SPTLC3: variants seen among roughly 807,000 people sequenced by gnomAD.
The protein encoded by SPTLC3 is serine palmitoyltransferase long chain base subunit 3, also known as serine palmitoyltransferase 3.
SPTLC3 carries 36 observed loss-of-function variants against 59.3 expected under a neutral mutation model. The observed-to-expected ratio is 0.61, with a 90% CI of 0.47 to 0.80. SPTLC3 has a LOEUF of 0.80. Ranked by LOEUF, SPTLC3 falls within the 30% of genes least tolerant of loss-of-function variation. SPTLC3 has a pLI of 0.00. For synonymous variants in SPTLC3, 257 were observed against 240.8 expected (o/e 1.07, Z -0.62); for missense variants, 625 against 685.1 (o/e 0.91, Z 0.98).
chr20:13,128,130 T>G (rs886679850), intron 9 of SPTLC3, among the ~76,000 whole-genome samples: 1 of 152,244 alleles, frequency 6.6e-6, no homozygotes, highest in Non-Finnish European at 1.5e-5. Flanking sequence ...ACAAAATATT[T>G]AACATTGTGT....
At chr20:13,110,024 G>A in intron 6 of SPTLC3, 88 bp from the exon 7 acceptor site, 1 of 1,109,830 alleles carries the variant, frequency 9.0e-7, no homozygotes, top group Non-Finnish European at 1.3e-6. Flanking sequence ...AGGTCTGAGT[G>A]TGAACATAAA....
chr20:13,076,136 C>T (rs1988638148), intron 4 of SPTLC3, among the ~76,000 whole-genome samples: 1 of 152,070 alleles, frequency 6.6e-6, no homozygotes, highest in African/African-American at 2.4e-5. Context: ...TAGTGAAAGA[C>T]TCAAAGAGAA....
intron 2 of SPTLC3, among the ~76,000 whole-genome samples, chr20:13,064,020 CTTTTCT>C (rs904676334): frequency 3.4e-5 from 5 of 149,016 alleles, no homozygotes; most frequent in Non-Finnish European, 6.0e-5. Context: ...CTTTTCTTTT[CTTTTCT>C]TTTTCTTTTT....
chr20:13,126,561 T>C (rs372114246), intron 8 of SPTLC3, 30 bp from the exon 9 acceptor site: 6 of 1,611,778 alleles, frequency 3.7e-6, no homozygotes, highest in Non-Finnish European at 5.1e-6. Context: ...TTTATTTGCC[T>C]TCTTTTTGGG....
At chr20:13,016,438 A>G (rs1343950124) in intron 1 of SPTLC3, among the ~76,000 whole-genome samples, 2 of 152,194 alleles carry the variant, frequency 1.3e-5, no homozygotes, top group Non-Finnish European at 2.9e-5. Context: ...CAGTAATGCA[A>G]AGTGGATATT....
intron 2 of SPTLC3, among the ~76,000 whole-genome samples, chr20:13,053,529 G>A (rs568232804): frequency 5.9e-5 from 9 of 152,094 alleles, no homozygotes; most frequent in African/African-American, 4.8e-5. Context: ...AAAACTGGAC[G>A]GAGAATGAGT....
chr20:13,087,457 G>A (rs1227239061), intron 4 of SPTLC3, among the ~76,000 whole-genome samples: 1 of 152,234 alleles, frequency 6.6e-6, no homozygotes, highest in African/African-American at 2.4e-5. Context: ...CTAGGAATCA[G>A]TGTCTTCAAG....
intron 1 of SPTLC3, among the ~76,000 whole-genome samples, chr20:13,019,600 C>G (rs1985755358): frequency 6.6e-6 from 1 of 152,150 alleles, no homozygotes; most frequent in African/African-American, 2.4e-5. Flanking sequence ...CACTAGATTT[C>G]CTTGACTAAC....
intron 4 of SPTLC3, among the ~76,000 whole-genome samples, chr20:13,077,312 T>C (rs1052401682): frequency 2.9e-5 from 4 of 139,138 alleles, no homozygotes; most frequent in Non-Finnish European, 6.4e-5. Context: ...AGTAATAAAG[T>C]AAGAAGCCAA....
At chr20:13,073,828 G>T in intron 3 of SPTLC3, 1 of 582,852 alleles carries the variant, frequency 1.7e-6, no homozygotes, top group East Asian at 4.3e-5. Context: ...AACTCAGTTT[G>T]GGGAAAGTTC....
intron 9 of SPTLC3, among the ~76,000 whole-genome samples, chr20:13,147,985 T>G (rs975532218): frequency 6.6e-6 from 1 of 152,116 alleles, no homozygotes; most frequent in African/African-American, 2.4e-5. Context: ...ACTCACAAAC[T>G]CGTCAACCCC....
At chr20:13,159,005 T>A (rs1372679094) in intron 10 of SPTLC3, among the ~76,000 whole-genome samples, 1 of 152,224 alleles carries the variant, frequency 6.6e-6, no homozygotes, top group African/African-American at 2.4e-5. Context: ...ATGGGTAAAG[T>A]CACTCAGTAG....
At chr20:13,142,179 T>C (rs1274259073) in intron 9 of SPTLC3, among the ~76,000 whole-genome samples, 1 of 152,178 alleles carries the variant, frequency 6.6e-6, no homozygotes, top group Non-Finnish European at 1.5e-5. Context: ...AAAATTTCCC[T>C]AGAAAGAATG....
chr20:13,078,216 T>TATA (rs34018223), intron 4 of SPTLC3, among the ~76,000 whole-genome samples: 114,306 of 146,846 alleles, frequency 0.78, 45,007 homozygotes, highest in African/African-American at 0.88. Flanking sequence ...TAAGTAATAA[T>TATA]ATAATATTAT....
chr20:13,105,346 A>G (rs1233080502), intron 6 of SPTLC3, among the ~76,000 whole-genome samples: 4 of 152,140 alleles, frequency 2.6e-5, no homozygotes, highest in African/African-American at 9.7e-5. Flanking sequence ...GAACTCCACC[A>G]AAAGCCACTC....
intron 9 of SPTLC3, among the ~76,000 whole-genome samples, chr20:13,142,841 G>A (rs112264707): frequency 2.6e-5 from 4 of 152,244 alleles, no homozygotes; most frequent in Non-Finnish European, 2.9e-5. Flanking sequence ...GGCTGTTTCC[G>A]TCTCATGAGG....
intron 4 of SPTLC3, among the ~76,000 whole-genome samples, chr20:13,087,812 T>C (rs1012058755): frequency 1.2e-4 from 18 of 152,166 alleles, no homozygotes; most frequent in South Asian, 1.0e-3. Context: ...TTCAACTTAA[T>C]AAGTGCTATA....
At chr20:13,106,568 C>G (rs1416068168) in intron 6 of SPTLC3, among the ~76,000 whole-genome samples, 1 of 152,116 alleles carries the variant, frequency 6.6e-6, no homozygotes, top group African/African-American at 2.4e-5. Context: ...TGTTGACAAA[C>G]TATGTCAGAA....
chr20:13,009,266 C>A lies in SPTLC3; in HGVS notation c.-2C>A, dbSNP rs1451376266. 6.2e-7 allele frequency: 1 copy of A among 1,613,776 alleles called. No homozygotes were observed. The highest frequency in any genetic ancestry group is 1.7e-5 in the Admixed American group (1 of 60,016). ...TGTCCCGGGCTCTGTCACTTCACAC[C>A]CATGGCTAACCCTGGAGGTGGTGCT... On this transcript the variant is annotated 5_prime_UTR_variant, in exon 1 of 12. Transcript: ENST00000399002.
Sources: allele counts gnomAD v4.1 joint callset (sites outside exome capture counted in the v4.1 genomes callset), GRCh38; gene constraint gnomAD v4.1.1; transcripts MANE v1.5; gene names NCBI Gene and HGNC (gene_info 2026-07-23, HGNC 2026-07-21).